SLC17A4: variants seen among roughly 807,000 people sequenced by gnomAD.
The protein encoded by SLC17A4 is probable small intestine urate exporter.
In SLC17A4, 33 loss-of-function variants were observed where a neutral mutation model predicts 52.5. The ratio of observed to expected loss-of-function variants is 0.63; its 90% CI spans 0.48 to 0.84. The LOEUF is 0.84. Among genes scored for constraint, SLC17A4 ranks in the 40% least tolerant of loss-of-function variants. The pLI is 0.00. For synonymous variants in SLC17A4, 225 were observed against 216.2 expected (o/e 1.04, Z -0.36); for missense variants, 585 against 597.1 (o/e 0.98, Z 0.21).
rs1228419017 is a variant in SLC17A4 at position 25,770,267 on chromosome 6, C to T, written c.498C>T (p.Leu166=). Residue 166 remains leucine (L), a synonymous_variant, in exon 4 of 12, where the codon CTC becomes CTT. Transcript: ENST00000377905. Reference sequence around the variant, plus strand: ...CAGCTAATGCGGGAGTGGCCTTGCTCATTGTCCTCCGGATTGTACAAGGCA... The same window carrying T: ...CAGCTAATGCGGGAGTGGCCTTGCTTATTGTCCTCCGGATTGTACAAGGCA... The part of the protein sequence containing the change: ...PLAANAGVAL[L]IVLRIVQGIA... The T allele has an allele frequency of 2.5e-6, 4 of 1,613,994 alleles. No individual in the cohort carries two copies. Among genetic ancestry groups the T allele is most frequent in the Non-Finnish European group, 2.5e-6 (3 of 1,179,998 alleles).
intron 7 of SLC17A4, 50 bp from the exon 8 acceptor site, chr6:25,773,463 G>T: frequency 6.2e-7 from 1 of 1,612,912 alleles, no homozygotes. Context: ...GAATGTGATA[G>T]AGAGAGCTGC....
intron 5 of SLC17A4, among the ~76,000 whole-genome samples, chr6:25,770,713 T>C (rs962590967): frequency 4.6e-5 from 7 of 152,220 alleles, no homozygotes; most frequent in African/African-American, 1.7e-4. Flanking sequence ...ATAAGTCAGC[T>C]ATATATAATT....
intron 7 of SLC17A4, 45 bp from the exon 8 acceptor site, chr6:25,773,468 A>T: frequency 6.2e-7 from 1 of 1,612,884 alleles, no homozygotes; most frequent in South Asian, 1.1e-5. Context: ...TGATAGAGAG[A>T]GCTGCCTTCT....
Position 25,776,701 on chromosome 6 carries a change from C to T in SLC17A4, c.1094C>T (p.Thr365Ile), listed in dbSNP as rs772333578. Residue 365 changes from threonine (T) to isoleucine (I), a missense_variant, in exon 9 of 12, where the codon ACC becomes ATC. Transcript: ENST00000377905. ...TCCAGAAAAATCCTCAGACTCATCA[C>T]CATCAGGAAACTCTTCACTGCCATT... Reference protein sequence around the residue: ...LLSRKILRLITIRKLFTAIGV... With the variant: ...LLSRKILRLIIIRKLFTAIGV... The T allele has an allele frequency of 7.4e-6, 12 of 1,613,912 alleles. No homozygotes were observed. The South Asian group carries it at 1.2e-4, about 16-fold the overall frequency.
Position 25,770,112 on chromosome 6 carries a change from A to T in SLC17A4, c.343A>T (p.Ser115Cys). The T allele has an allele frequency of 6.2e-7, 1 of 1,614,070 alleles. No individual in the cohort carries two copies. Among genetic ancestry groups the T allele is most frequent in the East Asian group, 2.2e-5 (1 of 44,888 alleles). Residue 115 changes from serine to cysteine, a missense_variant, in exon 4 of 12, where the codon AGC becomes TGC. Ser to Cys is a moderately radical substitution (Grantham distance 112). Coordinates refer to ENST00000377905, the MANE Select transcript of SLC17A4 (RefSeq NM_005495.3). ...WSPEIQGIIL[S>C]SLNYGSFLAP... ...TCCTGAAATCCAGGGAATCATCCTC[A>T]GCTCCCTCAACTATGGCTCATTCTT...
chr6:25,775,196 G>A (rs1762803374), intron 8 of SLC17A4, among the ~76,000 whole-genome samples: 1 of 151,878 alleles, frequency 6.6e-6, no homozygotes, highest in Non-Finnish European at 1.5e-5. Context: ...GCCAGGTGTT[G>A]TGGCATCTGC....
intron 11 of SLC17A4, among the ~76,000 whole-genome samples, chr6:25,778,273 C>T (rs1054035432): frequency 6.6e-6 from 1 of 151,848 alleles, no homozygotes; most frequent in Non-Finnish European, 1.5e-5. Context: ...TGGAAAAAAA[C>T]ACTGCCATAT....
In SLC17A4 at chr6:25,776,708, G is replaced by T; in HGVS notation, c.1101G>T (p.Arg367Ser). Residue 367 changes from arginine to serine, a missense_variant, in exon 9 of 12, where the codon AGG becomes AGT. Coordinates refer to ENST00000377905, the MANE Select transcript of SLC17A4 (RefSeq NM_005495.3). ...SRKILRLITI[R>S]KLFTAIGVLF... ...AAATCCTCAGACTCATCACCATCAG[G>T]AAACTCTTCACTGCCATTGGTAAGG... 1.2e-6 allele frequency: 2 copies of T among 1,613,900 alleles called. No homozygotes were observed. Among genetic ancestry groups the T allele is most frequent in the Non-Finnish European group, 1.7e-6 (2 of 1,179,884 alleles).
At position 25,773,304 on chromosome 6, in the gene SLC17A4, T is replaced by C. The variant is rs1385397761; in HGVS notation, c.736T>C (p.Trp246Arg). ...AATTGGCTGTGCTTGTTGTCCTCTCTGGTTTCCTCTCATTTATGATGATCC... is the reference window on the plus strand; with the variant it reads ...AATTGGCTGTGCTTGTTGTCCTCTCCGGTTTCCTCTCATTTATGATGATCC... The part of the protein sequence containing the change: ...GGIGCACCPL[W>R]FPLIYDDPVN... Residue 246 changes from tryptophan (W) to arginine (R), a missense_variant, in exon 7 of 12, where the codon TGG becomes CGG. Transcript: ENST00000377905. The C allele has an allele frequency of 1.2e-6, 2 of 1,613,986 alleles. No homozygotes were observed. The highest frequency in any genetic ancestry group is 1.7e-6 in the Non-Finnish European group (2 of 1,179,860).
intron 6 of SLC17A4, among the ~76,000 whole-genome samples, chr6:25,771,314 C>T (rs1762461760): frequency 6.6e-6 from 1 of 152,148 alleles, no homozygotes; most frequent in Admixed American, 6.6e-5. Context: ...TAGCTCATGC[C>T]TGTAATCCCA....
intron 6 of SLC17A4, 23 bp from the exon 7 acceptor site, chr6:25,773,252 C>T (rs1312423730): frequency 1.9e-6 from 3 of 1,551,208 alleles, no homozygotes; most frequent in Non-Finnish European, 2.7e-6. Flanking sequence ...CCATCCAGTG[C>T]TAACTGGATC....
intron 2 of SLC17A4, among the ~76,000 whole-genome samples, chr6:25,767,290 A>G (rs371908362): frequency 1.3e-5 from 2 of 152,212 alleles, no homozygotes; most frequent in Non-Finnish European, 1.5e-5. Flanking sequence ...CTAGCAAAAT[A>G]CATCATGTTT....
In SLC17A4 at chr6:25,779,138, C is replaced by G. The variant is rs375813431; in HGVS notation, c.1444C>G (p.Arg482Gly). Residue 482 changes from arginine (R) to glycine (G), a missense_variant, in exon 12 of 12, where the codon CGA becomes GGA. Arg to Gly is a moderately radical substitution (Grantham distance 125, BLOSUM62 -2). Coordinates refer to ENST00000377905, the MANE Select transcript of SLC17A4 (RefSeq NM_005495.3). ...CCTGGTTTTCTACCTCATCTTTGGC[C>G]GAGCAGATGTGCAGGACTGGGCTAA... is the stretch of plus-strand genomic sequence containing the variant. ...SGLVFYLIFG[R>G]ADVQDWAKEQ... 6.2e-7 allele frequency: 1 copy of G among 1,613,826 alleles called. No homozygotes were observed. Among genetic ancestry groups the G allele is most frequent in the Non-Finnish European group, 8.5e-7 (1 of 1,179,822 alleles).
chr6:25,769,100 C>A lies in SLC17A4; in HGVS notation c.207C>A (p.Ala69=), dbSNP rs1271800494. Residue 69 remains alanine, a synonymous_variant, in exon 3 of 12, where the codon GCC becomes GCA. Transcript: ENST00000377905. ...TCCCAGCTATGGTGAACAACACAGC[C>A]CCACCTAGCCAGCCCAATGCTTCCA... The part of the protein sequence containing the change: ...IAIPAMVNNT[A]PPSQPNASTE... 4.3e-6 allele frequency: 7 copies of A among 1,613,866 alleles called. No individual in the cohort carries two copies. The highest frequency in any genetic ancestry group is 1.6e-4 in the Middle Eastern group (1 of 6,084).
chr6:25,761,576 C>T (rs2151422383), intron 1 of SLC17A4, among the ~76,000 whole-genome samples: 1 of 152,272 alleles, frequency 6.6e-6, no homozygotes, highest in Admixed American at 6.5e-5. Context: ...CCACTGGAAT[C>T]TCCTAGATGA....
At chr6:25,775,528 C>T (rs1762838400) in intron 8 of SLC17A4, among the ~76,000 whole-genome samples, 1 of 151,998 alleles carries the variant, frequency 6.6e-6, no homozygotes, top group East Asian at 1.9e-4. Context: ...TTCGACCTCC[C>T]AGGCTCAAGC....
At chr6:25,756,564 G>A (rs922473971) in intron 1 of SLC17A4, among the ~76,000 whole-genome samples, 3 of 152,022 alleles carry the variant, frequency 2.0e-5, no homozygotes, top group Non-Finnish European at 4.4e-5. Context: ...CCTGCATCAC[G>A]CTGTCCCCAC....
Position 25,768,978 on chromosome 6 carries a change from C to CA in SLC17A4, c.92-7_92-6insA, listed in dbSNP as rs780120999. 10 of 1,613,802 alleles carry CA rather than the reference C, an allele frequency of 6.2e-6. No homozygotes were observed. The highest frequency in any genetic ancestry group is 8.5e-6 in the Non-Finnish European group (10 of 1,179,860). On this transcript the variant is annotated splice_region_variant and splice_polypyrimidine_tract_variant and intron_variant, in intron 2 of 11. Coordinates refer to ENST00000377905, the MANE Select transcript of SLC17A4 (RefSeq NM_005495.3). Reference sequence around the variant, plus strand: ...GATTGTGATTTTTCATGCCCTTTTCCTCTCAGGTTTTTGTTCAGTCCGACA... The same window carrying CA: ...GATTGTGATTTTTCATGCCCTTTTCCATCTCAGGTTTTTGTTCAGTCCGACA...
chr6:25,759,632 G>A (rs373434130), intron 1 of SLC17A4, among the ~76,000 whole-genome samples: 3 of 152,148 alleles, frequency 2.0e-5, no homozygotes, highest in East Asian at 1.9e-4. Context: ...CAGCCTGGGC[G>A]GCAGAGTGAG....
Sources: gnomAD v4.1 joint callset for allele counts (sites outside exome capture counted in the v4.1 genomes callset) on GRCh38, gnomAD v4.1.1 for gene constraint, MANE v1.5 for transcripts, NCBI Gene and HGNC (gene_info 2026-07-23, HGNC 2026-07-21) for gene names.